SGCZ: variants seen among roughly 807,000 people sequenced by gnomAD.
The protein encoded by SGCZ is zeta-sarcoglycan.
SGCZ carries 40 observed loss-of-function variants against 41.3 expected under a neutral mutation model. The ratio of observed to expected loss-of-function variants is 0.97; its 90% CI spans 0.75 to 1.26. SGCZ has a LOEUF of 1.26. Among genes scored for constraint, SGCZ ranks in the 50% most tolerant of loss-of-function variants. SGCZ has a pLI of 0.00. For synonymous variants in SGCZ, 206 were observed against 137.5 expected, an observed-to-expected ratio of 1.50 and a Z score of -3.49; for missense variants, 552 against 369.8, an observed-to-expected ratio of 1.49 and a Z score of -4.04.
At chr8:14,711,641 CGGAAAAAAATGCTAGT>C (rs981717903) in intron 1 of SGCZ, among the ~76,000 whole-genome samples, 3 of 143,320 alleles carry the variant, frequency 2.1e-5, no homozygotes, top group Non-Finnish European at 4.5e-5. Context: ...GTCCCTTGTA[CGGAAAAAAATGCTAGT>C]GGAAAAGGAT....
intron 1 of SGCZ, among the ~76,000 whole-genome samples, chr8:15,081,111 G>C (rs943446966): frequency 6.6e-6 from 1 of 152,120 alleles, no homozygotes; most frequent in East Asian, 1.9e-4. Context: ...ATGCTACTTT[G>C]TATGGCAACC....
At chr8:14,536,002 G>A (rs780085975) in intron 2 of SGCZ, among the ~76,000 whole-genome samples, 1 of 151,792 alleles carries the variant, frequency 6.6e-6, no homozygotes, top group South Asian at 2.1e-4. Context: ...AATAAGCTTA[G>A]GTGGTAAATG....
intron 1 of SGCZ, among the ~76,000 whole-genome samples, chr8:14,648,465 T>A (rs1397639964): frequency 6.6e-6 from 1 of 152,068 alleles, no homozygotes; most frequent in Non-Finnish European, 1.5e-5. Flanking sequence ...TTTCACTGAA[T>A]AGTATGTTTA....
At chr8:14,208,774 CTT>C (rs1311907142) in intron 4 of SGCZ, among the ~76,000 whole-genome samples, 1 of 152,100 alleles carries the variant, frequency 6.6e-6, no homozygotes, top group African/African-American at 2.4e-5. Context: ...AGGAAATAAT[CTT>C]ATATTCACAA....
intron 2 of SGCZ, among the ~76,000 whole-genome samples, chr8:14,421,364 C>G (rs1177166537): frequency 6.6e-6 from 1 of 152,046 alleles, no homozygotes; most frequent in Non-Finnish European, 1.5e-5. Context: ...TACTAGAAGT[C>G]CCCATGTCAG....
At chr8:14,132,469 C>T (rs1204115388) in intron 5 of SGCZ, among the ~76,000 whole-genome samples, 2 of 152,172 alleles carry the variant, frequency 1.3e-5, no homozygotes, top group Non-Finnish European at 2.9e-5. Flanking sequence ...ACCACCATTA[C>T]TAATTTCTTG....
chr8:14,400,998 G>C (rs1171567885), intron 2 of SGCZ, among the ~76,000 whole-genome samples: 1 of 152,074 alleles, frequency 6.6e-6, no homozygotes, highest in Non-Finnish European at 1.5e-5. Flanking sequence ...ACAATCAGTG[G>C]AACATGGTTT....
chr8:15,001,993 C>T (rs1421402826), intron 1 of SGCZ, among the ~76,000 whole-genome samples: 1 of 152,044 alleles, frequency 6.6e-6, no homozygotes, highest in East Asian at 1.9e-4. Flanking sequence ...ATTCTGCGTG[C>T]TTGAGGAGGA....
intron 3 of SGCZ, among the ~76,000 whole-genome samples, chr8:14,251,524 G>C (rs1340877282): frequency 1.3e-5 from 2 of 152,140 alleles, no homozygotes; most frequent in Non-Finnish European, 2.9e-5. Flanking sequence ...ATTTTAATAA[G>C]AGACAGTCAG....
chr8:14,268,986 G>A (rs186868491), intron 3 of SGCZ, among the ~76,000 whole-genome samples: 12 of 151,640 alleles, frequency 7.9e-5, no homozygotes, highest in African/African-American at 2.4e-4. Flanking sequence ...TTTATTACCT[G>A]TAAATAGAAA....
chr8:14,917,362 C>T (rs893514416), intron 1 of SGCZ, among the ~76,000 whole-genome samples: 6 of 151,972 alleles, frequency 3.9e-5, no homozygotes, highest in Non-Finnish European at 8.8e-5. Context: ...TTATTCATAT[C>T]GTAACTTTAA....
At chr8:14,883,403 T>G (rs534514107) in intron 1 of SGCZ, among the ~76,000 whole-genome samples, 1 of 152,256 alleles carries the variant, frequency 6.6e-6, no homozygotes, top group East Asian at 1.9e-4. Flanking sequence ...CTACTTGTGC[T>G]TTAGCCATAT....
intron 1 of SGCZ, among the ~76,000 whole-genome samples, chr8:14,703,019 C>G (rs754487659): frequency 6.6e-6 from 1 of 151,838 alleles, no homozygotes; most frequent in Non-Finnish European, 1.5e-5. Context: ...CTTACCTCCT[C>G]CATTACTACC....
intron 4 of SGCZ, among the ~76,000 whole-genome samples, chr8:14,190,825 A>G (rs1455298369): frequency 6.6e-6 from 1 of 151,964 alleles, no homozygotes; most frequent in African/African-American, 2.4e-5. Context: ...GATGGTCTCA[A>G]TCTCCTGACC....
intron 1 of SGCZ, among the ~76,000 whole-genome samples, chr8:14,569,943 G>GAT (rs1804500743): frequency 7.3e-6 from 1 of 137,244 alleles, no homozygotes; most frequent in South Asian, 2.4e-4. Context: ...ATGGGGCACT[G>GAT]GAATCTTTTT....
At chr8:15,215,895 C>T (rs1237773622) in intron 1 of SGCZ, among the ~76,000 whole-genome samples, 5 of 152,126 alleles carry the variant, frequency 3.3e-5, no homozygotes, top group Non-Finnish European at 5.9e-5. Flanking sequence ...AACTTTAATC[C>T]GAAGACAGAA....
chr8:14,486,618 G>C (rs911343791), intron 2 of SGCZ, among the ~76,000 whole-genome samples: 2 of 152,202 alleles, frequency 1.3e-5, no homozygotes, highest in African/African-American at 4.8e-5. Context: ...CTGCTGCCCA[G>C]GCTGAAGTGC....
intron 1 of SGCZ, among the ~76,000 whole-genome samples, chr8:14,786,916 T>C (rs554220630): frequency 1.3e-5 from 2 of 150,074 alleles, no homozygotes; most frequent in African/African-American, 4.9e-5. Context: ...TGCTGTATGA[T>C]AAATTAGAGG....
chr8:14,948,879 C>T (rs76998067), intron 1 of SGCZ, among the ~76,000 whole-genome samples: 95 of 9,372 alleles, frequency 0.01, no homozygotes, highest in African/African-American at 0.037. Flanking sequence ...CAGCTTTTTT[C>T]TCTCTCTCTC....
Sources: gnomAD v4.1 joint callset for allele counts (sites outside exome capture counted in the v4.1 genomes callset) on GRCh38, gnomAD v4.1.1 for gene constraint, MANE v1.5 for transcripts, NCBI Gene and HGNC (gene_info 2026-07-23, HGNC 2026-07-21) for gene names.